Variants in CEP41 observed in about 807,000 individuals in gnomAD.
CEP41 encodes centrosomal protein 41.
Under a neutral mutation model 44.3 loss-of-function variants are expected in CEP41, and 32 were observed. The observed-to-expected ratio is 0.72, with a 90% CI of 0.54 to 0.97. CEP41 has a LOEUF of 0.97. Among genes scored for constraint, CEP41 ranks in the 50% least tolerant of loss-of-function variants. CEP41 has a pLI of 0.00. For missense variants in CEP41, 432 were observed against 455.2 expected (o/e 0.95, Z 0.46); for synonymous variants, 151 against 168.5 (o/e 0.90, Z 0.80).
At chr7:130,440,706 T>G in intron 1 of CEP41, 1 of 614,180 alleles carries the variant, frequency 1.6e-6, no homozygotes, top group East Asian at 2.7e-5. Context: ...CAGTCACAAG[T>G]ACTGGCGTGC....
intron 2 of CEP41, chr7:130,420,771 CAATA>C (rs544057989): frequency 4.8e-4 from 252 of 522,328 alleles, no homozygotes; most frequent in South Asian, 7.5e-4. Context: ...GACTTCATCT[CAATA>C]AATAAATAAA....
chr7:130,408,923 G>A (rs1360479585), intron 5 of CEP41, among the ~76,000 whole-genome samples: 4 of 152,114 alleles, frequency 2.6e-5, no homozygotes, highest in African/African-American at 9.7e-5. Flanking sequence ...AGTGACATGG[G>A]AAAGTATGAA....
rs782718109 is a variant in CEP41 at position 130,411,163 on chromosome 7, T to A, written c.236A>T (p.Gln79Leu). 1 of 1,613,984 alleles carries A rather than the reference T, an allele frequency of 6.2e-7. No individual in the cohort carries two copies. The highest frequency in any genetic ancestry group is 2.2e-5 in the East Asian group (1 of 44,878). The change falls in exon 5 of 11, where the codon CAA becomes CTA. Residue 79 changes from glutamine to leucine, a missense_variant. Coordinates refer to ENST00000223208, the MANE Select transcript of CEP41 (RefSeq NM_018718.3). ...LIIQVASLSD[Q>L]TLEVTAEEIQ... ...CTCCTCAGCTGTCACTTCCAGTGTT[T>A]GATCAGAGAGGGAAGCAACTTGGAT...
intron 6 of CEP41, 32 bp from the exon 7 acceptor site, chr7:130,402,831 A>T: frequency 6.2e-7 from 1 of 1,613,598 alleles, no homozygotes; most frequent in Non-Finnish European, 8.5e-7. Flanking sequence ...AGCAGAAACT[A>T]GTCAGAGGTT....
chr7:130,398,722 G>T lies in CEP41; in HGVS notation c.*169C>A. On this transcript the variant is annotated 3_prime_UTR_variant, in exon 11 of 11. Coordinates refer to ENST00000223208, the MANE Select transcript of CEP41 (RefSeq NM_018718.3). Reference sequence around the variant, plus strand: ...CACCTGTCAAAATCCTTCCTGAGGTGGCCTCCTGAGGGGAGAGGAACTGGA... The same window carrying T: ...CACCTGTCAAAATCCTTCCTGAGGTTGCCTCCTGAGGGGAGAGGAACTGGA... 1.2e-6 allele frequency: 1 copy of T among 832,736 alleles called. No homozygotes were observed. Among genetic ancestry groups the T allele is most frequent in the Non-Finnish European group, 2.1e-6 (1 of 481,126 alleles). The allele number at this position is 832,736 out of a possible 1,614,324, so 51.6% of individuals were successfully genotyped here. A position where few individuals can be genotyped will look rare whatever the true frequency, so the allele number is the denominator to read the frequency against.
chr7:130,396,256 T>A lies in CEP41; in HGVS notation c.*2635A>T. On this transcript the variant is annotated 3_prime_UTR_variant, in exon 11 of 11. Transcript: ENST00000223208. The stretch of plus-strand genomic sequence containing the variant: ...ACAAGCCCCAGACAAGGGCAGCTAG[T>A]CAACCCCTGAGACGCTGGTAGGAAG... 2.2e-6 allele frequency: 1 copy of A among 454,082 alleles called. No individual in the cohort carries two copies. Among genetic ancestry groups the A allele is most frequent in the Non-Finnish European group, 4.4e-6 (1 of 226,768 alleles). 28.1% of individuals were successfully genotyped at this position (454,082 alleles called of 1,614,324 possible). A position where few individuals can be genotyped will look rare whatever the true frequency, so the allele number is the denominator to read the frequency against.
Position 130,398,220 on chromosome 7 carries a change from C to T in CEP41, c.*671G>A. 1 of 454,094 alleles carries T rather than the reference C, an allele frequency of 2.2e-6. No homozygotes were observed. The highest frequency in any genetic ancestry group is 1.6e-5 in the South Asian group (1 of 64,442). The allele number at this position is 454,094 out of a possible 1,614,324, so 28.1% of individuals were successfully genotyped here. ...GACACCCACATGCATACCTTTCTGGCTCCAGGAAATATCTAGTAAGGGGGA... is the reference window on the plus strand; with the variant it reads ...GACACCCACATGCATACCTTTCTGGTTCCAGGAAATATCTAGTAAGGGGGA... On this transcript the variant is annotated 3_prime_UTR_variant, in exon 11 of 11. Coordinates refer to ENST00000223208, the MANE Select transcript of CEP41 (RefSeq NM_018718.3).
intron 3 of CEP41, among the ~76,000 whole-genome samples, chr7:130,414,071 A>G (rs1418303264): frequency 6.6e-6 from 1 of 152,260 alleles, no homozygotes; most frequent in Non-Finnish European, 1.5e-5. Flanking sequence ...AAACCAGCAC[A>G]GACCTTAAGA....
intron 3 of CEP41, among the ~76,000 whole-genome samples, chr7:130,413,854 C>T (rs1797258087): frequency 6.6e-6 from 1 of 152,176 alleles, no homozygotes. Context: ...TCATGCTTTC[C>T]TCCTCACCTA....
At chr7:130,428,597 GA>G (rs1163753203) in intron 1 of CEP41, among the ~76,000 whole-genome samples, 143 of 137,716 alleles carry the variant, frequency 1.0e-3, no homozygotes, top group Non-Finnish European at 1.1e-3. Flanking sequence ...TACCTGATAA[GA>G]AAAAAAAAAA....
chr7:130,416,228 T>C (rs1797332044), intron 3 of CEP41, among the ~76,000 whole-genome samples: 1 of 152,256 alleles, frequency 6.6e-6, no homozygotes, highest in Non-Finnish European at 1.5e-5. Context: ...GTTCTCTTAT[T>C]CAAGATATGA....
chr7:130,399,192 A>G (rs1796766747), intron 10 of CEP41, 153 bp from the exon 11 acceptor site: 2 of 776,562 alleles, frequency 2.6e-6, no homozygotes, highest in East Asian at 2.8e-5. Flanking sequence ...ACGATGGCCT[A>G]CTCCTCATCC....
intron 3 of CEP41, among the ~76,000 whole-genome samples, chr7:130,414,650 C>A (rs1216567125): frequency 6.6e-6 from 1 of 152,172 alleles, no homozygotes; most frequent in Admixed American, 6.5e-5. Flanking sequence ...ACTAGCAGCC[C>A]CCTACATATT....
chr7:130,424,272 C>T (rs1797595480), intron 2 of CEP41, among the ~76,000 whole-genome samples: 1 of 151,754 alleles, frequency 6.6e-6, no homozygotes, highest in Admixed American at 6.6e-5. Context: ...TGGTGGCGCC[C>T]GCCTGTGATC....
At position 130,396,243 on chromosome 7, in the gene CEP41, C is replaced by A. The variant is rs1554414489; in HGVS notation, c.*2648G>T. 1 of 454,070 alleles carries A rather than the reference C, an allele frequency of 2.2e-6. No homozygotes were observed. Among genetic ancestry groups the A allele is most frequent in the Admixed American group, 2.3e-5 (1 of 42,566 alleles). 28.1% of individuals were successfully genotyped at this position (454,070 alleles called of 1,614,324 possible). On this transcript the variant is annotated 3_prime_UTR_variant, in exon 11 of 11. Transcript: ENST00000223208. ...TGTCTCAGGGTTCACAAGCCCCAGA[C>A]AAGGGCAGCTAGTCAACCCCTGAGA...
chr7:130,395,800 G>A lies in CEP41; in HGVS notation c.*3091C>T, dbSNP rs1479559862. 1 of 453,020 alleles carries A rather than the reference G, an allele frequency of 2.2e-6. No homozygotes were observed. Among genetic ancestry groups the A allele is most frequent in the South Asian group, 1.6e-5 (1 of 64,376 alleles). The allele number at this position is 453,020 out of a possible 1,614,324, so 28.1% of individuals were successfully genotyped here. ...CAGGAAAAATCCCTGAGCAACTAATGAATGTTATTTGGTCTCTTTTCATTC... is the reference window on the plus strand; with the variant it reads ...CAGGAAAAATCCCTGAGCAACTAATAAATGTTATTTGGTCTCTTTTCATTC... On this transcript the variant is annotated 3_prime_UTR_variant, in exon 11 of 11. Coordinates refer to ENST00000223208, the MANE Select transcript of CEP41 (RefSeq NM_018718.3).
At chr7:130,421,860 AACAG>A in intron 2 of CEP41, 1 of 1,476,148 alleles carries the variant, frequency 6.8e-7, no homozygotes, top group Non-Finnish European at 9.0e-7. Context: ...AGTGCTGCAA[AACAG>A]AAACCCAGAG....
Position 130,419,809 on chromosome 7 carries a change from C to T in CEP41, c.98-2843G>A, listed in dbSNP as rs1797447136. On this transcript the variant is annotated intron_variant, in intron 2 of 10. Coordinates refer to ENST00000223208, the MANE Select transcript of CEP41 (RefSeq NM_018718.3). The stretch of plus-strand genomic sequence containing the variant: ...CTAACGTATCACCTTGCCACATACT[C>T]GTAAGAGCTCACTCAGCAGGAAGTG... The T allele has an allele frequency of 1.1e-5, 11 of 985,184 alleles. No individual in the cohort carries two copies. In the South Asian group the frequency reaches 1.9e-4, roughly 17 times the overall value. 61.0% of individuals were successfully genotyped at this position (985,184 alleles called of 1,614,324 possible).
chr7:130,400,506 C>T, intron 9 of CEP41: 1 of 639,980 alleles, frequency 1.6e-6, no homozygotes, highest in Non-Finnish European at 2.8e-6. Flanking sequence ...GTGACAGAGC[C>T]CTGAAGCAAC....
Sources: gnomAD v4.1 joint callset for allele counts (sites outside exome capture counted in the v4.1 genomes callset) on GRCh38, gnomAD v4.1.1 for gene constraint, MANE v1.5 for transcripts, NCBI Gene and HGNC (gene_info 2026-07-23, HGNC 2026-07-21) for gene names.